Variants in KATNIP observed in about 807,000 individuals in gnomAD.
KATNIP encodes katanin-interacting protein.
A neutral mutation model predicts 174.0 loss-of-function variants in KATNIP; 126 were observed. The observed-to-expected ratio is 0.72, with a 90% CI of 0.63 to 0.84. The LOEUF is 0.84. Among genes scored for constraint, KATNIP ranks in the 40% least tolerant of loss-of-function variants. The pLI is 0.00. For missense variants in KATNIP, 1,958 were observed against 2,109.7 expected (o/e 0.93, Z 1.41); for synonymous variants, 810 against 835.7 (o/e 0.97, Z 0.53).
intron 6 of KATNIP, among the ~76,000 whole-genome samples, chr16:27,663,615 AT>A (rs1184734283): frequency 2.5e-3 from 338 of 137,916 alleles, no homozygotes; most frequent in Middle Eastern, 7.5e-3. Flanking sequence ...CACCCGGCTA[AT>A]TTTTTTTTTT....
Position 27,721,649 on chromosome 16 carries a change from TC to T in KATNIP, c.1699del (p.His567IlefsTer24). ...CGAAACACAAGACAGCTGGGGGACT[TC>T]CATCTGGCCAAGATCAAGGTTCGGA... ...VIRNTRQLGD[F>X]HLAKIKVRNY... On this transcript the variant is annotated frameshift_variant, in exon 14 of 28. Coordinates refer to ENST00000261588, the MANE Select transcript of KATNIP (RefSeq NM_015202.5). LOFTEE classifies it high-confidence loss of function. 6.2e-7 allele frequency: 1 copy of T among 1,614,142 alleles called. No individual in the cohort carries two copies. The highest frequency in any genetic ancestry group is 8.5e-7 in the Non-Finnish European group (1 of 1,180,018).
At chr16:27,699,798 G>A (rs537218710) in intron 10 of KATNIP, among the ~76,000 whole-genome samples, 199 bp downstream of exon 10, 5 of 152,318 alleles carry the variant, frequency 3.3e-5, no homozygotes, top group South Asian at 4.1e-4. Context: ...TTCACAGATC[G>A]GGAGACCAGG....
chr16:27,738,942 C>A lies in KATNIP; in HGVS notation c.1744-1099C>A, dbSNP rs1432837776. Among the ~76,000 whole-genome samples the A allele has an allele frequency of 2.6e-5, 4 of 152,116 alleles. No homozygotes were observed. In the East Asian group the frequency reaches 5.8e-4, roughly 22 times the overall value. On this transcript the variant is annotated intron_variant, in intron 14 of 27. Coordinates refer to ENST00000261588, the MANE Select transcript of KATNIP (RefSeq NM_015202.5). ...CTTCAACAAGCAGTGGATAAATGTC[C>A]CAGTCTTGGAGAGACATTTGCGACA...
intron 5 of KATNIP, among the ~76,000 whole-genome samples, chr16:27,636,278 T>C (rs1031708038): frequency 6.6e-6 from 1 of 152,214 alleles, no homozygotes; most frequent in African/African-American, 2.4e-5. Flanking sequence ...TGCCTTTGGA[T>C]AGGGCATGAG....
chr16:27,572,066 A>T (rs1456704715), intron 1 of KATNIP, among the ~76,000 whole-genome samples: 1 of 151,798 alleles, frequency 6.6e-6, no homozygotes, highest in African/African-American at 2.4e-5. Context: ...ATTGAGCAGA[A>T]ATTACAGAGA....
At chr16:27,641,320 A>AC (rs1195931841) in intron 5 of KATNIP, among the ~76,000 whole-genome samples, 1 of 151,356 alleles carries the variant, frequency 6.6e-6, no homozygotes, top group African/African-American at 2.4e-5. Context: ...TCATCTCTCA[A>AC]CCCCCCCTGT....
At chr16:27,754,037 A>C in intron 17 of KATNIP, 136 bp from the exon 18 acceptor site, 1 of 733,090 alleles carries the variant, frequency 1.4e-6, no homozygotes, top group South Asian at 1.7e-5. Context: ...CAAAGGCAGA[A>C]AAATCCAGGA....
At chr16:27,648,868 G>A in intron 6 of KATNIP, 133 bp downstream of exon 6, 2 of 1,091,686 alleles carry the variant, frequency 1.8e-6, no homozygotes, top group African/African-American at 1.6e-5. Flanking sequence ...CTTCACTCTT[G>A]CGTTCATTTC....
chr16:27,740,800 A>C lies in KATNIP; in HGVS notation c.2503A>C (p.Ser835Arg), dbSNP rs145908314. The C allele has an allele frequency of 3.7e-6, 6 of 1,614,070 alleles. No homozygotes were observed. In the African/African-American group the frequency reaches 8.0e-5, roughly 22 times the overall value. The change falls in exon 15 of 28, where the codon AGT (serine) becomes CGT (arginine). Residue 835 changes from serine to arginine, a missense_variant. This residue lies in a region of KATNIP where 1,557 missense variants were observed against 1,617.8 expected (regional missense o/e 0.96). Coordinates refer to ENST00000261588, the MANE Select transcript of KATNIP (RefSeq NM_015202.5). ...RPQRATTKVH[S>R]DDSDIFNQPP... ...CCAGAGGGCAACCACCAAAGTCCACAGTGATGACTCAGACATCTTTAACCA... is the reference window on the plus strand; with the variant it reads ...CCAGAGGGCAACCACCAAAGTCCACCGTGATGACTCAGACATCTTTAACCA...
Position 27,626,521 on chromosome 16 carries a change from C to T in KATNIP, c.141-2140C>T, listed in dbSNP as rs146978993. 3.0e-3 allele frequency among the ~76,000 whole-genome samples: 464 copies of T among 152,284 alleles called. 2 individuals are homozygous for T. The highest frequency in any genetic ancestry group is 5.0e-3 in the Admixed American group (76 of 15,292). On this transcript the variant is annotated intron_variant, in intron 3 of 27. Transcript: ENST00000261588. The stretch of plus-strand genomic sequence containing the variant: ...TCTTGCTAGCTTTACAAGTTGTCTT[C>T]GTTTTGGTGTAGACTCTGGAGCCAA...
In KATNIP at chr16:27,743,545, G is replaced by A. The variant is rs1756145278; in HGVS notation, c.2623+2625G>A. 2.0e-5 allele frequency among the ~76,000 whole-genome samples: 3 copies of A among 152,164 alleles called. No individual in the cohort carries two copies. The South Asian group carries it at 6.2e-4, about 32-fold the overall frequency. ...GAAAGAAAGAGTTGAGGAGCTCTCT[G>A]AGGGCAGGCGCCTGGCTCATGGCAG... is the stretch of plus-strand genomic sequence containing the variant. On this transcript the variant is annotated intron_variant, in intron 15 of 27. Coordinates refer to ENST00000261588, the MANE Select transcript of KATNIP (RefSeq NM_015202.5).
chr16:27,745,689 A>T (rs1045630031), intron 15 of KATNIP, among the ~76,000 whole-genome samples: 2 of 152,212 alleles, frequency 1.3e-5, no homozygotes, highest in Admixed American at 1.3e-4. Context: ...CCATAGTCCT[A>T]TTCATCTCAA....
intron 2 of KATNIP, among the ~76,000 whole-genome samples, chr16:27,594,645 G>A (rs2075283494): frequency 1.3e-5 from 2 of 152,010 alleles, no homozygotes; most frequent in African/African-American, 2.4e-5. Context: ...TAGAGACAGG[G>A]TCTTACTGTC....
intron 14 of KATNIP, among the ~76,000 whole-genome samples, chr16:27,726,647 G>A (rs1320359421): frequency 6.6e-6 from 1 of 152,228 alleles, no homozygotes; most frequent in Non-Finnish European, 1.5e-5. Flanking sequence ...GTCACACTAA[G>A]TGTTCCGAAG....
At position 27,754,347 on chromosome 16, in the gene KATNIP, C is replaced by T. The variant is rs910416799; in HGVS notation, c.3631+96C>T. On this transcript the variant is annotated intron_variant, in intron 18 of 27. Coordinates refer to ENST00000261588, the MANE Select transcript of KATNIP (RefSeq NM_015202.5). ...TTGGGACAGGGTTTCGCTGGACAAT[C>T]GGGTGGGTTGGACACTGTACAGAGA... 2.1e-5 allele frequency: 22 copies of T among 1,046,798 alleles called. No individual in the cohort carries two copies. In the African/African-American group the frequency reaches 2.5e-4, roughly 12 times the overall value. 64.8% of individuals were successfully genotyped at this position (1,046,798 alleles called of 1,614,324 possible).
At chr16:27,638,893 G>T (rs2076715805) in intron 5 of KATNIP, among the ~76,000 whole-genome samples, 1 of 123,198 alleles carries the variant, frequency 8.1e-6, no homozygotes. Flanking sequence ...CACTGGTCTT[G>T]AACTCCCGGG....
At chr16:27,667,080 G>A (rs1374022438) in intron 6 of KATNIP, among the ~76,000 whole-genome samples, 3 of 152,140 alleles carry the variant, frequency 2.0e-5, no homozygotes, top group Non-Finnish European at 4.4e-5. Context: ...CAGTACTTTT[G>A]GAGGCCGAGG....
Position 27,681,414 on chromosome 16 carries a change from G to C in KATNIP, c.824G>C (p.Arg275Thr). The change falls in exon 8 of 28, where the codon AGG becomes ACG. Residue 275 changes from arginine (R) to threonine (T), a missense_variant. This residue lies in a region of KATNIP where 1,557 missense variants were observed against 1,617.8 expected (regional missense o/e 0.96). Transcript: ENST00000261588. ...NPASKSHKRE[R>T]NLSAKRKDNA... ...TTTCCTACAGGTCATAAAAGGGAAA[G>C]GAATTTGTCTGCAAAGCGGAAGGAC... 6.2e-7 allele frequency: 1 copy of C among 1,614,196 alleles called. No homozygotes were observed. The highest frequency in any genetic ancestry group is 8.5e-7 in the Non-Finnish European group (1 of 1,180,028).
chr16:27,567,016 A>G (rs1346392971), intron 1 of KATNIP, among the ~76,000 whole-genome samples: 1 of 152,194 alleles, frequency 6.6e-6, no homozygotes, highest in East Asian at 1.9e-4. Context: ...CTGTTGGTTC[A>G]ATTTCCAGAA....
Sources: gnomAD v4.1 joint callset for allele counts (sites outside exome capture counted in the v4.1 genomes callset) on GRCh38, gnomAD v4.1.1 for gene constraint, gnomAD v4.1.1 regional missense constraint, MANE v1.5 for transcripts, NCBI Gene and HGNC (gene_info 2026-07-23, HGNC 2026-07-21) for gene names.